Variants in CAMSAP1 observed in about 807,000 individuals in gnomAD.
CAMSAP1 encodes calmodulin-regulated spectrin-associated protein 1.
Under a neutral mutation model 143.5 loss-of-function variants are expected in CAMSAP1, and 58 were observed. That is an observed-to-expected ratio of 0.40 (90% CI 0.33 to 0.50). The LOEUF (loss-of-function observed/expected upper bound fraction) is 0.50. CAMSAP1 is among the 20% of genes least tolerant of loss of function. The pLI is 0.45. For synonymous variants in CAMSAP1, 945 were observed against 859.3 expected, an observed-to-expected ratio of 1.10 and a Z score of -1.74; for missense variants, 1,969 against 2,115.7, an observed-to-expected ratio of 0.93 and a Z score of 1.36.
At chr9:135,889,958 G>A (rs1429299589) in intron 1 of CAMSAP1, among the ~76,000 whole-genome samples, 1 of 152,140 alleles carries the variant, frequency 6.6e-6, no homozygotes, top group East Asian at 1.9e-4. Context: ...CACAACCACT[G>A]CAACCGAAAC....
chr9:135,827,337 A>C, intron 8 of CAMSAP1, 70 bp downstream of exon 8: 1 of 1,349,752 alleles, frequency 7.4e-7, no homozygotes, highest in Non-Finnish European at 9.8e-7. Flanking sequence ...ACTTCAATTA[A>C]TATTTTAAAC....
rs144062659 is a variant in CAMSAP1 at position 135,814,573 on chromosome 9, G to C, written c.4506+524C>G. On this transcript the variant is annotated intron_variant, in intron 16 of 16. Coordinates refer to ENST00000389532, the MANE Select transcript of CAMSAP1 (RefSeq NM_015447.4). ...CCTGGGCATGCACACTGGGTGCTCC[G>C]GAGTCCACACGCTCAGCGGGTGCGC... Among the ~76,000 whole-genome samples the C allele has an allele frequency of 3.2e-4, 49 of 152,214 alleles. No individual in the cohort carries two copies. In the East Asian group the frequency reaches 7.5e-3, roughly 23 times the overall value.
At chr9:135,905,881 T>C (rs2131040530) in intron 1 of CAMSAP1, among the ~76,000 whole-genome samples, 1 of 152,352 alleles carries the variant, frequency 6.6e-6, no homozygotes, top group Middle Eastern at 3.4e-3. Context: ...CCAATTCCGT[T>C]CTCAAAAACT....
chr9:135,850,818 C>G (rs1484312470), intron 5 of CAMSAP1, among the ~76,000 whole-genome samples: 1 of 152,214 alleles, frequency 6.6e-6, no homozygotes, highest in Non-Finnish European at 1.5e-5. Flanking sequence ...TTCTTCCGCC[C>G]ATCAGAAACC....
At position 135,824,370 on chromosome 9, in the gene CAMSAP1, T is replaced by A. The variant is rs1835595474; in HGVS notation, c.1316-336A>T. 6.6e-6 allele frequency among the ~76,000 whole-genome samples: 1 copy of A among 152,178 alleles called. No individual in the cohort carries two copies. Among genetic ancestry groups the A allele is most frequent in the African/African-American group, 2.4e-5 (1 of 41,436 alleles). On this transcript the variant is annotated intron_variant, in intron 9 of 16. Coordinates refer to ENST00000389532, the MANE Select transcript of CAMSAP1 (RefSeq NM_015447.4). This position sits in a 1 kb window ranked among gnomAD's most constrained non-coding sequence, Gnocchi z 4.1. ...AAATTTATTTGGCTACAGTCTTAAC[T>A]AAAATCACTACATCAGCCGGGCACA...
intron 8 of CAMSAP1, among the ~76,000 whole-genome samples, chr9:135,827,182 T>A (rs573185821): frequency 6.6e-6 from 1 of 152,310 alleles, no homozygotes; most frequent in African/African-American, 2.4e-5. Context: ...CCATAAACAA[T>A]GTCAGAATTA....
intron 1 of CAMSAP1, among the ~76,000 whole-genome samples, chr9:135,893,463 GA>G: frequency 6.6e-6 from 1 of 152,228 alleles, no homozygotes; most frequent in Middle Eastern, 3.4e-3. Flanking sequence ...TTGTAGAACA[GA>G]AAAACATAGT....
intron 1 of CAMSAP1, among the ~76,000 whole-genome samples, chr9:135,892,634 C>T (rs1307861210): frequency 1.3e-5 from 2 of 151,636 alleles, no homozygotes; most frequent in African/African-American, 2.4e-5. Flanking sequence ...GGGTGGATCA[C>T]GAGGTCAGGA....
intron 7 of CAMSAP1, among the ~76,000 whole-genome samples, chr9:135,848,346 C>T (rs747175846): frequency 2.0e-5 from 3 of 152,032 alleles, no homozygotes; most frequent in Non-Finnish European, 4.4e-5. Flanking sequence ...AAATAGTGCA[C>T]GCACACACAG....
At chr9:135,846,682 C>CA (rs752714756) in intron 7 of CAMSAP1, among the ~76,000 whole-genome samples, 4,580 of 53,572 alleles carry the variant, frequency 0.085, 233 homozygotes, top group African/African-American at 0.22. Context: ...ACAAATTTAC[C>CA]AAAAAAAAAA....
intron 1 of CAMSAP1, among the ~76,000 whole-genome samples, chr9:135,904,837 C>T (rs1161734025): frequency 6.6e-6 from 1 of 152,106 alleles, no homozygotes; most frequent in East Asian, 1.9e-4. Context: ...TGGGGGCGCA[C>T]GCCTGTAATC....
chr9:135,869,902 T>C (rs1298198400), intron 3 of CAMSAP1, among the ~76,000 whole-genome samples: 1 of 152,146 alleles, frequency 6.6e-6, no homozygotes, highest in Non-Finnish European at 1.5e-5. Flanking sequence ...CCTGGAAACA[T>C]GCTCTGTGAA....
chr9:135,897,965 T>A (rs749161716), intron 1 of CAMSAP1, among the ~76,000 whole-genome samples: 1 of 152,050 alleles, frequency 6.6e-6, no homozygotes, highest in African/African-American at 2.4e-5. Flanking sequence ...AAAAAATACC[T>A]AGAACTGAAT....
chr9:135,860,969 AGTATTCCCACGCCACATGG>A (rs1837165091), intron 5 of CAMSAP1, among the ~76,000 whole-genome samples: 1 of 152,226 alleles, frequency 6.6e-6, no homozygotes, highest in South Asian at 2.1e-4. Flanking sequence ...ACATTCAACC[AGTATTCCCACGCCACATGG>A]GTGATACACA....
intron 1 of CAMSAP1, among the ~76,000 whole-genome samples, chr9:135,888,420 G>GTGCTACAACTGTGGCCAC (rs1160670212): frequency 6.6e-6 from 1 of 152,174 alleles, no homozygotes; most frequent in African/African-American, 2.4e-5. Context: ...CCTCTGGCAG[G>GTGCTACAACTGTGGCCAC]TGCTACAACT....
At chr9:135,867,160 C>A (rs1180830669) in intron 3 of CAMSAP1, among the ~76,000 whole-genome samples, 1 of 152,172 alleles carries the variant, frequency 6.6e-6, no homozygotes. Flanking sequence ...CAAAAAGACA[C>A]AGAGCTGAAT....
At chr9:135,881,228 G>A (rs1042401519) in intron 3 of CAMSAP1, among the ~76,000 whole-genome samples, 5 of 151,828 alleles carry the variant, frequency 3.3e-5, no homozygotes, top group South Asian at 2.1e-4. Flanking sequence ...ATAGTAGCAC[G>A]TGCCTGTGAT....
intron 7 of CAMSAP1, among the ~76,000 whole-genome samples, chr9:135,833,161 A>G (rs1392335172): frequency 6.7e-6 from 1 of 149,890 alleles, no homozygotes; most frequent in Non-Finnish European, 1.5e-5. Context: ...GGCTCACTGC[A>G]AGCTCCGCCT....
At chr9:135,868,283 A>T (rs920773932) in intron 3 of CAMSAP1, among the ~76,000 whole-genome samples, 9 of 152,138 alleles carry the variant, frequency 5.9e-5, no homozygotes, top group South Asian at 2.1e-4. Context: ...CCATGACCAC[A>T]TGGTCAGCAG....
Sources: gnomAD v4.1 joint callset for allele counts (sites outside exome capture counted in the v4.1 genomes callset) on GRCh38, gnomAD v4.1.1 for gene constraint, Gnocchi (gnomAD v3.1) non-coding constraint, MANE v1.5 for transcripts, NCBI Gene and HGNC (gene_info 2026-07-23, HGNC 2026-07-21) for gene names.